Variants in PCDH15 observed in about 807,000 individuals in gnomAD.
The protein encoded by PCDH15 is protocadherin-15.
In PCDH15, 129 loss-of-function variants were observed where a neutral mutation model predicts 178.5. The ratio of observed to expected loss-of-function variants is 0.72; its 90% CI spans 0.63 to 0.84. PCDH15 has a LOEUF of 0.84. PCDH15 is among the 40% of genes least tolerant of loss of function. The probability of loss-of-function intolerance (pLI) is 0.00; values close to 1 mark genes in which losing one functional copy is unlikely to be tolerated. For missense variants in PCDH15, 2,230 were observed against 2,099.9 expected (o/e 1.06, Z -1.21); for synonymous variants, 800 against 732.0 (o/e 1.09, Z -1.50).
At position 53,908,464 on chromosome 10, in the gene PCDH15, C is replaced by T. The variant is rs2082835226; in HGVS notation, c.3374-5094G>A. On this transcript the variant is annotated intron_variant, in intron 25 of 37. Transcript: ENST00000644397. ...AATATGCTGTAATTATTTGATCACA[C>T]ATTGGTTATACTCTTTTTTGACTGT... is the stretch of plus-strand genomic sequence containing the variant. Among the ~76,000 whole-genome samples the T allele has an allele frequency of 5.3e-5, 8 of 152,324 alleles. No homozygotes were observed. The South Asian group carries it at 1.7e-3, about 32-fold the overall frequency.
chr10:55,515,708 C>T (rs1019527581), intron 2 of PCDH15, among the ~76,000 whole-genome samples: 4 of 151,670 alleles, frequency 2.6e-5, no homozygotes, highest in Non-Finnish European at 4.4e-5. Flanking sequence ...CCAAAAAGGT[C>T]GAGAAATGCC....
chr10:54,868,634 C>T (rs1183691189), intron 3 of PCDH15, among the ~76,000 whole-genome samples: 1 of 152,194 alleles, frequency 6.6e-6, no homozygotes, highest in East Asian at 1.9e-4. Context: ...CAGGCTACTT[C>T]TCTTCTTTGT....
chr10:55,203,494 T>C (rs1840309775), intron 1 of PCDH15, among the ~76,000 whole-genome samples: 1 of 152,002 alleles, frequency 6.6e-6, no homozygotes, highest in Admixed American at 6.5e-5. Context: ...TGTGGTGAGA[T>C]GTGAGTCATC....
intron 1 of PCDH15, among the ~76,000 whole-genome samples, chr10:55,303,042 T>C (rs1413976688): frequency 1.3e-5 from 2 of 151,992 alleles, no homozygotes; most frequent in South Asian, 2.1e-4. Flanking sequence ...ATACATGTTA[T>C]GTTCTATAAT....
intron 2 of PCDH15, among the ~76,000 whole-genome samples, chr10:55,157,334 G>A (rs1233170869): frequency 2.0e-5 from 3 of 149,650 alleles, no homozygotes; most frequent in Non-Finnish European, 4.4e-5. Flanking sequence ...TGGAGAAATA[G>A]GAACACTTTT....
At chr10:54,586,244 T>A (rs565737460) in intron 2 of PCDH15, among the ~76,000 whole-genome samples, 9 of 152,226 alleles carry the variant, frequency 5.9e-5, no homozygotes, top group African/African-American at 1.9e-4. Context: ...TGTCACACAA[T>A]TTATTTATGA....
At chr10:54,626,145 T>C (rs948604231) in intron 2 of PCDH15, among the ~76,000 whole-genome samples, 5 of 152,158 alleles carry the variant, frequency 3.3e-5, no homozygotes, top group Non-Finnish European at 7.3e-5. Flanking sequence ...TAAGAGGTGA[T>C]TTGGGTGCTG....
chr10:55,182,029 G>T (rs2132135522), intron 1 of PCDH15, among the ~76,000 whole-genome samples: 1 of 152,002 alleles, frequency 6.6e-6, no homozygotes, highest in East Asian at 1.9e-4. Flanking sequence ...GTTTCAACAT[G>T]ATGAACCGTG....
intron 2 of PCDH15, among the ~76,000 whole-genome samples, chr10:55,331,764 T>G (rs974940287): frequency 1.3e-5 from 2 of 152,002 alleles, no homozygotes; most frequent in African/African-American, 4.8e-5. Context: ...AAGAAACATC[T>G]TGGAATTCTT....
chr10:54,713,143 T>G (rs1311065777), intron 1 of PCDH15, among the ~76,000 whole-genome samples: 1 of 152,012 alleles, frequency 6.6e-6, no homozygotes, highest in Non-Finnish European at 1.5e-5. Flanking sequence ...AGACTTTATT[T>G]CATAGAATTC....
At chr10:55,254,498 G>A (rs919277494) in intron 1 of PCDH15, among the ~76,000 whole-genome samples, 8 of 152,100 alleles carry the variant, frequency 5.3e-5, no homozygotes, top group Non-Finnish European at 1.0e-4. Flanking sequence ...TCAGTGGAAA[G>A]GTGAGTAACA....
intron 13 of PCDH15, among the ~76,000 whole-genome samples, chr10:54,168,151 C>T (rs1217194056): frequency 1.3e-5 from 2 of 150,468 alleles, no homozygotes; most frequent in African/African-American, 4.9e-5. Flanking sequence ...AATACAAACT[C>T]GACAGTAGTT....
intron 1 of PCDH15, among the ~76,000 whole-genome samples, chr10:55,290,329 G>T (rs911701958): frequency 1.3e-5 from 2 of 150,380 alleles, no homozygotes; most frequent in Admixed American, 6.6e-5. Flanking sequence ...ACATCACAGT[G>T]TGTATTGGGG....
At chr10:53,901,327 T>C (rs1429272395) in intron 26 of PCDH15, among the ~76,000 whole-genome samples, 1 of 152,098 alleles carries the variant, frequency 6.6e-6, no homozygotes, top group East Asian at 1.9e-4. Context: ...GTGGAGGAGG[T>C]ATGGGGATCT....
At chr10:55,248,935 A>C (rs1308167181) in intron 1 of PCDH15, among the ~76,000 whole-genome samples, 1 of 152,192 alleles carries the variant, frequency 6.6e-6, no homozygotes, top group East Asian at 1.9e-4. Context: ...GACTTGACAA[A>C]TTGATACTAA....
chr10:54,626,863 G>T (rs2093568586), intron 2 of PCDH15, among the ~76,000 whole-genome samples: 1 of 152,170 alleles, frequency 6.6e-6, no homozygotes, highest in South Asian at 2.1e-4. Flanking sequence ...CATGAAAGCA[G>T]CTGGGAATGA....
chr10:54,881,586 A>T (rs1332017175), intron 3 of PCDH15, among the ~76,000 whole-genome samples: 1 of 152,072 alleles, frequency 6.6e-6, no homozygotes, highest in Admixed American at 6.6e-5. Flanking sequence ...CCTGATGCAA[A>T]GACTTCAAAG....
At chr10:54,511,598 G>A (rs946292484) in intron 3 of PCDH15, among the ~76,000 whole-genome samples, 8 of 151,960 alleles carry the variant, frequency 5.3e-5, no homozygotes, top group African/African-American at 9.7e-5. Flanking sequence ...TATATCATAC[G>A]GTCACTTTAT....
chr10:54,277,598 A>C (rs1159208666), intron 8 of PCDH15, among the ~76,000 whole-genome samples: 1 of 151,686 alleles, frequency 6.6e-6, no homozygotes, highest in African/African-American at 2.4e-5. Flanking sequence ...AAAGAAAAAC[A>C]GTGTTGTTTA....
Sources: gnomAD v4.1 joint callset for allele counts (sites outside exome capture counted in the v4.1 genomes callset) on GRCh38, gnomAD v4.1.1 for gene constraint, MANE v1.5 for transcripts, NCBI Gene and HGNC (gene_info 2026-07-23, HGNC 2026-07-21) for gene names.